TPP2: variants seen among roughly 807,000 people sequenced by gnomAD.
TPP2 encodes tripeptidyl peptidase 2.
In TPP2, 34 loss-of-function variants were observed where a neutral mutation model predicts 155.9. The observed-to-expected ratio is 0.22, with a 90% CI of 0.17 to 0.29. TPP2 has a LOEUF of 0.29. Among genes scored for constraint, TPP2 ranks in the 10% least tolerant of loss-of-function variants. The pLI is 1.00. For synonymous variants in TPP2, 510 were observed against 529.4 expected, an observed-to-expected ratio of 0.96 and a Z score of 0.50; for missense variants, 1,028 against 1,522.3, an observed-to-expected ratio of 0.68 and a Z score of 5.40.
intron 25 of TPP2, among the ~76,000 whole-genome samples, chr13:102,660,692 G>A (rs1328267900): frequency 6.6e-6 from 1 of 152,166 alleles, no homozygotes; most frequent in Non-Finnish European, 1.5e-5. Context: ...AAAATGAAGA[G>A]CAAAGTAGGG....
At chr13:102,654,053 AC>A (rs1595195493) in intron 24 of TPP2, among the ~76,000 whole-genome samples, 1 of 152,168 alleles carries the variant, frequency 6.6e-6, no homozygotes, top group African/African-American at 2.4e-5. Context: ...GTCTTTTTAA[AC>A]CATAATCAAG....
chr13:102,633,932 C>T lies in TPP2; in HGVS notation c.1245-18C>T. 1 of 1,613,730 alleles carries T rather than the reference C, an allele frequency of 6.2e-7. No individual in the cohort carries two copies. The highest frequency in any genetic ancestry group is 1.1e-5 in the South Asian group (1 of 91,058). On this transcript the variant is annotated intron_variant, in intron 10 of 29. Transcript: ENST00000376052. ...AGCTTTCACCATCCTAAGCAAACTT[C>T]AATGGCTTTCCATTTAGTGCTGACG...
chr13:102,672,922 G>A (rs2139617537), intron 27 of TPP2, among the ~76,000 whole-genome samples: 1 of 152,310 alleles, frequency 6.6e-6, no homozygotes, highest in East Asian at 1.9e-4. Flanking sequence ...GTGCTGAGAA[G>A]CACTGAGGGA....
chr13:102,609,460 C>T (rs763341509), intron 2 of TPP2, among the ~76,000 whole-genome samples: 6 of 134,900 alleles, frequency 4.4e-5, no homozygotes, highest in Non-Finnish European at 7.6e-5. Context: ...TGCAATGGCG[C>T]GATCTCAACT....
chr13:102,609,662 G>T (rs954169819), intron 2 of TPP2, among the ~76,000 whole-genome samples: 3 of 151,964 alleles, frequency 2.0e-5, no homozygotes, highest in Non-Finnish European at 4.4e-5. Context: ...CTCCCAAAGT[G>T]CTGGGATTAC....
At position 102,679,385 on chromosome 13, in the gene TPP2, A is replaced by G. The variant is rs181732332; in HGVS notation, c.*1069A>G. 6.6e-6 allele frequency: 1 copy of G among 152,292 alleles called. No homozygotes were observed. The highest frequency in any genetic ancestry group is 6.5e-5 in the Admixed American group (1 of 15,300). The allele number at this position is 152,292 out of a possible 1,614,324, so 9.4% of individuals were successfully genotyped here. ...TTTTATCTTTGGCTACTGCACGTGC[A>G]TCTCTCGTCATTCCTCCACCAAATA... On this transcript the variant is annotated 3_prime_UTR_variant, in exon 30 of 30. Transcript: ENST00000376052.
intron 27 of TPP2, among the ~76,000 whole-genome samples, chr13:102,665,407 TG>T (rs1884527979): frequency 6.6e-6 from 1 of 152,222 alleles, no homozygotes; most frequent in South Asian, 2.1e-4. Flanking sequence ...TTTATGAAAC[TG>T]GTTTTATAGT....
chr13:102,663,272 C>T (rs1242855209), intron 25 of TPP2, among the ~76,000 whole-genome samples: 3 of 152,056 alleles, frequency 2.0e-5, no homozygotes, highest in Admixed American at 6.6e-5. Flanking sequence ...CTCAGCCTCC[C>T]GAGTATCTGG....
At chr13:102,599,690 G>C (rs1176534660) in intron 1 of TPP2, among the ~76,000 whole-genome samples, 1 of 152,176 alleles carries the variant, frequency 6.6e-6, no homozygotes, top group Non-Finnish European at 1.5e-5. Context: ...TAGTAGTTAC[G>C]TAAGTGATTT....
chr13:102,612,953 G>A (rs146520708), intron 2 of TPP2, among the ~76,000 whole-genome samples: 3 of 152,364 alleles, frequency 2.0e-5, no homozygotes, highest in Non-Finnish European at 4.4e-5. Flanking sequence ...TGGGACAGTA[G>A]TGAATAAATA....
At chr13:102,618,913 A>G in intron 5 of TPP2, 67 bp downstream of exon 5, 1 of 1,545,238 alleles carries the variant, frequency 6.5e-7, no homozygotes, top group South Asian at 1.2e-5. Context: ...AAAAACATTA[A>G]ATGCTCAGAG....
At chr13:102,613,692 TA>T (rs1880487197) in intron 2 of TPP2, among the ~76,000 whole-genome samples, 1 of 152,226 alleles carries the variant, frequency 6.6e-6, no homozygotes, top group Admixed American at 6.5e-5. Context: ...TTCAGGCAAG[TA>T]ATTTGATTTC....
chr13:102,649,279 C>G (rs1234006292), intron 22 of TPP2, 128 bp downstream of exon 22: 7 of 1,456,576 alleles, frequency 4.8e-6, no homozygotes, highest in Non-Finnish European at 5.5e-6. Context: ...GTATTTCTTC[C>G]TTTGATTTTT....
At chr13:102,625,330 A>G (rs975833424) in intron 6 of TPP2, among the ~76,000 whole-genome samples, 18 of 147,146 alleles carry the variant, frequency 1.2e-4, no homozygotes, top group Non-Finnish European at 2.1e-4. Context: ...ATGCCCGGCT[A>G]ATTTTTTGTA....
intron 25 of TPP2, among the ~76,000 whole-genome samples, chr13:102,657,717 TTCA>T (rs1883950890): frequency 6.6e-6 from 1 of 152,200 alleles, no homozygotes; most frequent in Admixed American, 6.5e-5. Context: ...ATAGCTTTTC[TTCA>T]TGATGCTGCG....
At chr13:102,614,492 G>A (rs1880569982) in intron 3 of TPP2, among the ~76,000 whole-genome samples, 1 of 152,102 alleles carries the variant, frequency 6.6e-6, no homozygotes, top group South Asian at 2.1e-4. Context: ...GCTTTCACTG[G>A]ATTTTTGAAG....
chr13:102,646,264 C>A, intron 19 of TPP2, 30 bp from the exon 20 acceptor site: 1 of 1,557,792 alleles, frequency 6.4e-7, no homozygotes, highest in South Asian at 1.2e-5. Context: ...ACTCTTGAAT[C>A]AAACCAGTTA....
rs1023540449 is a variant in TPP2 at position 102,678,594 on chromosome 13, T to G, written c.*278T>G. 1 of 296,578 alleles carries G rather than the reference T, an allele frequency of 3.4e-6. No homozygotes were observed. The highest frequency in any genetic ancestry group is 2.1e-5 in the African/African-American group (1 of 46,514). 18.4% of individuals were successfully genotyped at this position (296,578 alleles called of 1,614,324 possible). ...TAGGACTTCGAGTTGGGTTGCAGCT[T>G]ATGACATGCATGATAGGTTTTGGAA... On this transcript the variant is annotated 3_prime_UTR_variant, in exon 30 of 30. Transcript: ENST00000376052.
At chr13:102,604,183 A>C (rs1879640494) in intron 1 of TPP2, among the ~76,000 whole-genome samples, 1 of 151,370 alleles carries the variant, frequency 6.6e-6, no homozygotes. Context: ...TGGTGCCATT[A>C]AATGGTACCA....
Sources: allele counts gnomAD v4.1 joint callset (sites outside exome capture counted in the v4.1 genomes callset), GRCh38; gene constraint gnomAD v4.1.1; transcripts MANE v1.5; gene names NCBI Gene and HGNC (gene_info 2026-07-23, HGNC 2026-07-21).